FIG4: variants seen among roughly 807,000 people sequenced by gnomAD.
FIG4 encodes polyphosphoinositide phosphatase.
In FIG4, 112 loss-of-function variants were observed where a neutral mutation model predicts 118.6. That is an observed-to-expected ratio of 0.94 (90% confidence interval 0.81 to 1.11). The LOEUF is 1.11. FIG4 is among the 50% of genes least tolerant of loss of function. The pLI, the probability that FIG4 is intolerant of heterozygous loss-of-function variation, is 0.00. For missense variants in FIG4, 969 were observed against 1,111.7 expected, an observed-to-expected ratio of 0.87 and a Z score of 1.83; for synonymous variants, 369 against 381.2, an observed-to-expected ratio of 0.97 and a Z score of 0.37.
At chr6:109,776,845 T>C in intron 15 of FIG4, 77 bp from the exon 16 acceptor site, 1 of 1,176,470 alleles carries the variant, frequency 8.5e-7, no homozygotes, top group Non-Finnish European at 1.3e-6. Context: ...TGTACCACTA[T>C]CCTCCTAAGA....
At chr6:109,696,623 T>C (rs912476779) in intron 1 of FIG4, among the ~76,000 whole-genome samples, 9 of 152,206 alleles carry the variant, frequency 5.9e-5, no homozygotes, top group Admixed American at 1.3e-4. Context: ...CATTATGTTA[T>C]ATGAAATCAG....
intron 18 of FIG4, among the ~76,000 whole-genome samples, chr6:109,787,397 T>C (rs1202132419): frequency 6.6e-6 from 1 of 152,190 alleles, no homozygotes; most frequent in Non-Finnish European, 1.5e-5. Flanking sequence ...TTTCAGATAG[T>C]TAGGAACAGT....
chr6:109,712,733 T>A (rs1457766938), intron 1 of FIG4, among the ~76,000 whole-genome samples: 1 of 152,200 alleles, frequency 6.6e-6, no homozygotes, highest in Non-Finnish European at 1.5e-5. Flanking sequence ...ATTTCTGTCA[T>A]GTCAGCCATC....
intron 21 of FIG4, among the ~76,000 whole-genome samples, chr6:109,795,094 A>ATTTTTTTT (rs1562688787): frequency 1.3e-5 from 1 of 77,188 alleles, no homozygotes; most frequent in African/African-American, 3.9e-5. Context: ...TACACTTGCC[A>ATTTTTTTT]GTTTTTTTTT....
At chr6:109,794,705 C>G (rs962250359) in intron 21 of FIG4, among the ~76,000 whole-genome samples, 1 of 152,202 alleles carries the variant, frequency 6.6e-6, no homozygotes, top group Non-Finnish European at 1.5e-5. Flanking sequence ...TAGTTCTGCG[C>G]TGAATTGGCA....
intron 22 of FIG4, among the ~76,000 whole-genome samples, chr6:109,799,437 C>T (rs922206817): frequency 6.6e-6 from 1 of 152,068 alleles, no homozygotes; most frequent in Non-Finnish European, 1.5e-5. Flanking sequence ...CTTAAAATGT[C>T]GACTATTCAT....
At chr6:109,795,315 C>G (rs1307178197) in intron 21 of FIG4, among the ~76,000 whole-genome samples, 1 of 151,738 alleles carries the variant, frequency 6.6e-6, no homozygotes, top group African/African-American at 2.4e-5. Flanking sequence ...GTTTAAAGTT[C>G]TGTACAAATA....
At chr6:109,809,359 A>G (rs539219063) in intron 22 of FIG4, among the ~76,000 whole-genome samples, 35 of 152,224 alleles carry the variant, frequency 2.3e-4, no homozygotes, top group African/African-American at 7.5e-4. Context: ...AAAAATTGTT[A>G]TTTTTCATTA....
At position 109,823,088 on chromosome 6, in the gene FIG4, AT is replaced by A. The variant is rs111294768; in HGVS notation, c.2547-1993del. ...CATTGTATACTTTGATCTATAAATA[AT>A]TTTTTTGTGCTGTTGATGTTGCCTA... On this transcript the variant is annotated intron_variant, in intron 22 of 22. Transcript: ENST00000230124. Among the ~76,000 whole-genome samples the A allele has an allele frequency of 8.0e-3, 1,223 of 152,032 alleles. 23 individuals carry two copies. The highest frequency in any genetic ancestry group is 0.028 in the African/African-American group (1,163 of 41,442).
intron 3 of FIG4, among the ~76,000 whole-genome samples, chr6:109,720,973 C>T (rs971275944): frequency 6.6e-6 from 1 of 152,128 alleles, no homozygotes; most frequent in Non-Finnish European, 1.5e-5. Flanking sequence ...AATGGAATGA[C>T]CTATAGTTCA....
At chr6:109,762,631 C>T (rs1293571620) in intron 12 of FIG4, among the ~76,000 whole-genome samples, 2 of 150,572 alleles carry the variant, frequency 1.3e-5, no homozygotes, top group Admixed American at 6.7e-5. Flanking sequence ...AGGATTTATG[C>T]TTTATCTTTT....
chr6:109,709,083 T>G (rs147307907), intron 1 of FIG4, among the ~76,000 whole-genome samples: 2 of 152,350 alleles, frequency 1.3e-5, no homozygotes, highest in African/African-American at 4.8e-5. Context: ...TCCAGAGTTT[T>G]TGTACTTCTG....
At chr6:109,793,795 A>G (rs1778203936) in intron 21 of FIG4, among the ~76,000 whole-genome samples, 1 of 152,260 alleles carries the variant, frequency 6.6e-6, no homozygotes. Flanking sequence ...TATAAAATGC[A>G]CAGCATTTCC....
At chr6:109,716,382 C>A in intron 2 of FIG4, 63 bp from the exon 3 acceptor site, 1 of 1,576,098 alleles carries the variant, frequency 6.3e-7, no homozygotes. Flanking sequence ...AACTTTCAGG[C>A]ACAAATAATA....
At chr6:109,773,322 G>A (rs1252824663) in intron 15 of FIG4, among the ~76,000 whole-genome samples, 1 of 152,058 alleles carries the variant, frequency 6.6e-6, no homozygotes, top group Non-Finnish European at 1.5e-5. Flanking sequence ...AATATTCATG[G>A]TATGATACTA....
intron 22 of FIG4, among the ~76,000 whole-genome samples, chr6:109,812,034 G>A (rs1460415543): frequency 6.6e-6 from 1 of 152,126 alleles, no homozygotes; most frequent in Non-Finnish European, 1.5e-5. Context: ...GAATCACAGG[G>A]ATGGTTTTTC....
intron 3 of FIG4, among the ~76,000 whole-genome samples, chr6:109,719,088 A>G (rs1007978239): frequency 4.6e-5 from 7 of 151,516 alleles, no homozygotes; most frequent in Non-Finnish European, 1.0e-4. Flanking sequence ...CTGGCTGGTT[A>G]TTGCATTTTT....
chr6:109,714,839 T>A (rs1188501771), intron 1 of FIG4, among the ~76,000 whole-genome samples: 3 of 152,208 alleles, frequency 2.0e-5, no homozygotes, highest in Admixed American at 2.0e-4. Flanking sequence ...ACCTGGTTAC[T>A]GGGCACATTT....
intron 3 of FIG4, among the ~76,000 whole-genome samples, chr6:109,722,620 A>T (rs1775645515): frequency 1.3e-5 from 2 of 151,918 alleles, no homozygotes; most frequent in African/African-American, 4.8e-5. Context: ...TTATATATAT[A>T]TATATATTTT....
Sources: gnomAD v4.1 joint callset for allele counts (sites outside exome capture counted in the v4.1 genomes callset) on GRCh38, gnomAD v4.1.1 for gene constraint, MANE v1.5 for transcripts, NCBI Gene and HGNC (gene_info 2026-07-23, HGNC 2026-07-21) for gene names.